Variants in RAPGEF4 observed in about 807,000 individuals in gnomAD.
The protein encoded by RAPGEF4 is RAP guanine-nucleotide-exchange factor (GEF) 4.
In RAPGEF4, 66 loss-of-function variants were observed where a neutral mutation model predicts 147.9. That is an observed-to-expected ratio of 0.45 (90% CI 0.37 to 0.55). RAPGEF4 has a LOEUF of 0.55. Ranked by LOEUF, RAPGEF4 falls within the 20% of genes least tolerant of loss-of-function variation. RAPGEF4 has a pLI of 0.00. For missense variants in RAPGEF4, 1,071 were observed against 1,257.3 expected (o/e 0.85, Z 2.24); for synonymous variants, 419 against 442.7 (o/e 0.95, Z 0.67).
chr2:172,848,206 G>T (rs773422417), intron 4 of RAPGEF4, among the ~76,000 whole-genome samples: 4 of 151,994 alleles, frequency 2.6e-5, no homozygotes, highest in Non-Finnish European at 2.9e-5. Context: ...CACGCGCAGG[G>T]CACTTCTCCC....
chr2:172,827,559 A>T (rs1016139726), intron 4 of RAPGEF4, among the ~76,000 whole-genome samples: 2 of 151,940 alleles, frequency 1.3e-5, no homozygotes, highest in Admixed American at 1.3e-4. Context: ...CCTCAGCAGC[A>T]TAAGTGAGGC....
At chr2:172,757,181 T>C (rs1695861228) in intron 1 of RAPGEF4, among the ~76,000 whole-genome samples, 1 of 152,288 alleles carries the variant, frequency 6.6e-6, no homozygotes, top group Non-Finnish European at 1.5e-5. Context: ...GAGTCTTCAG[T>C]AATCCAGCAT....
chr2:172,995,008 A>T (rs889078475), intron 15 of RAPGEF4, among the ~76,000 whole-genome samples: 6 of 152,106 alleles, frequency 3.9e-5, no homozygotes, highest in African/African-American at 1.2e-4. Context: ...TGGCCACCTC[A>T]TTCAATACCA....
At chr2:172,941,626 G>C (rs996957973) in intron 6 of RAPGEF4, among the ~76,000 whole-genome samples, 1 of 152,136 alleles carries the variant, frequency 6.6e-6, no homozygotes, top group African/African-American at 2.4e-5. Context: ...GGTAGAACCT[G>C]TGTTTATGGG....
intron 29 of RAPGEF4, among the ~76,000 whole-genome samples, chr2:173,037,764 A>C (rs953520123): frequency 6.6e-6 from 1 of 152,136 alleles, no homozygotes; most frequent in African/African-American, 2.4e-5. Flanking sequence ...ACACAGTTTC[A>C]TCACTTTATA....
intron 3 of RAPGEF4, among the ~76,000 whole-genome samples, chr2:172,807,512 A>G (rs186818852): frequency 2.0e-5 from 3 of 152,324 alleles, no homozygotes; most frequent in Admixed American, 1.3e-4. Context: ...AGCACATACA[A>G]TCTAACATCT....
At chr2:172,866,775 A>G (rs1356772265) in intron 4 of RAPGEF4, among the ~76,000 whole-genome samples, 3 of 152,080 alleles carry the variant, frequency 2.0e-5, no homozygotes, top group East Asian at 1.9e-4. Flanking sequence ...AACATGTTCT[A>G]TCACTACCAC....
chr2:172,963,091 G>T (rs1398456810), intron 8 of RAPGEF4, among the ~76,000 whole-genome samples: 1 of 152,066 alleles, frequency 6.6e-6, no homozygotes. Flanking sequence ...TAGAGAAGGG[G>T]GTGGTGCCAC....
chr2:172,769,688 A>G (rs1024277173), intron 1 of RAPGEF4, among the ~76,000 whole-genome samples: 1 of 152,174 alleles, frequency 6.6e-6, no homozygotes. Context: ...GAAATAAGAT[A>G]TGGAGAAAAT....
intron 15 of RAPGEF4, among the ~76,000 whole-genome samples, chr2:172,993,366 C>A (rs1241229046): frequency 6.6e-6 from 1 of 152,154 alleles, no homozygotes; most frequent in Admixed American, 6.5e-5. Flanking sequence ...TTATCTTAGA[C>A]TGTTTTCTCA....
chr2:172,955,504 C>T (rs559722236), intron 6 of RAPGEF4, among the ~76,000 whole-genome samples: 71 of 152,274 alleles, frequency 4.7e-4, no homozygotes, highest in African/African-American at 1.7e-3. Flanking sequence ...TTTATCTGTC[C>T]CCCCTGCCTC....
At chr2:173,026,999 A>G in intron 24 of RAPGEF4, 82 bp from the exon 25 acceptor site, 1 of 1,292,590 alleles carries the variant, frequency 7.7e-7, no homozygotes, top group Non-Finnish European at 1.1e-6. Flanking sequence ...GACCAGTAAA[A>G]CACTGTCTTG....
chr2:172,864,226 A>G (rs1694359124), intron 4 of RAPGEF4, among the ~76,000 whole-genome samples: 1 of 152,212 alleles, frequency 6.6e-6, no homozygotes, highest in Non-Finnish European at 1.5e-5. Flanking sequence ...TGAGAGAGAT[A>G]CCTGAGGTAG....
At chr2:172,982,366 C>G (rs1435076514) in intron 10 of RAPGEF4, among the ~76,000 whole-genome samples, 2 of 152,078 alleles carry the variant, frequency 1.3e-5, no homozygotes, top group African/African-American at 2.4e-5. Flanking sequence ...TTCATAACTG[C>G]AGCAATTAGC....
At chr2:172,885,194 G>A (rs940152617) in intron 4 of RAPGEF4, among the ~76,000 whole-genome samples, 12 of 152,232 alleles carry the variant, frequency 7.9e-5, no homozygotes, top group East Asian at 1.9e-4. Flanking sequence ...GTGGGTCAGC[G>A]TTACAGTGTG....
chr2:173,046,296 A>C (rs768476649), intron 29 of RAPGEF4, among the ~76,000 whole-genome samples: 4 of 152,256 alleles, frequency 2.6e-5, no homozygotes, highest in Non-Finnish European at 5.9e-5. Context: ...ATTTTAAACT[A>C]CATGAGCTAA....
intron 1 of RAPGEF4, among the ~76,000 whole-genome samples, chr2:172,766,430 T>A (rs888627094): frequency 1.3e-5 from 2 of 152,024 alleles, no homozygotes; most frequent in African/African-American, 4.8e-5. Flanking sequence ...CACGCGCCCA[T>A]AGTCCCAGCT....
chr2:172,992,197 TA>T (rs1434049356), intron 15 of RAPGEF4, among the ~76,000 whole-genome samples: 3 of 152,228 alleles, frequency 2.0e-5, no homozygotes, highest in Admixed American at 6.5e-5. Flanking sequence ...AAGGACTATG[TA>T]AAAAAACTAC....
chr2:172,840,668 T>A (rs1691479165), intron 4 of RAPGEF4, among the ~76,000 whole-genome samples: 1 of 152,246 alleles, frequency 6.6e-6, no homozygotes, highest in Non-Finnish European at 1.5e-5. Flanking sequence ...AGCAGTTAGA[T>A]ATGGATTTAT....
Sources: gnomAD v4.1 joint callset for allele counts (sites outside exome capture counted in the v4.1 genomes callset) on GRCh38, gnomAD v4.1.1 for gene constraint, MANE v1.5 for transcripts, NCBI Gene and HGNC (gene_info 2026-07-23, HGNC 2026-07-21) for gene names.